CADPS: variants seen among roughly 807,000 people sequenced by gnomAD.
CADPS encodes calcium-dependent secretion activator 1.
A neutral mutation model predicts 167.3 loss-of-function variants in CADPS; 57 were observed. The ratio of observed to expected loss-of-function variants is 0.34; its 90% CI spans 0.28 to 0.42. The LOEUF is 0.42. CADPS is among the 20% of genes least tolerant of loss of function. The pLI is 1.00. For missense variants in CADPS, 1,414 were observed against 1,738.1 expected (o/e 0.81, Z 3.32); for synonymous variants, 676 against 635.3 (o/e 1.06, Z -0.96).
chr3:62,503,172 G>C (rs894970288), intron 17 of CADPS, among the ~76,000 whole-genome samples: 1 of 151,612 alleles, frequency 6.6e-6, no homozygotes. Flanking sequence ...GATACACTTC[G>C]TACAATGAAG....
intron 28 of CADPS, among the ~76,000 whole-genome samples, chr3:62,423,456 GGAT>G (rs2051915265): frequency 6.6e-6 from 1 of 152,194 alleles, no homozygotes; most frequent in Non-Finnish European, 1.5e-5. Flanking sequence ...GAACCCCAGT[GGAT>G]GAATTTGGGA....
intron 9 of CADPS, among the ~76,000 whole-genome samples, chr3:62,562,954 G>C (rs893504094): frequency 6.6e-6 from 1 of 152,202 alleles, no homozygotes; most frequent in Non-Finnish European, 1.5e-5. Flanking sequence ...CTTTTGTAAG[G>C]CTTGAGCTGC....
intron 3 of CADPS, among the ~76,000 whole-genome samples, chr3:62,743,554 T>G (rs943750386): frequency 6.6e-6 from 1 of 152,194 alleles, no homozygotes; most frequent in Non-Finnish European, 1.5e-5. Flanking sequence ...GGAAACAACA[T>G]GAAATAGCTA....
At chr3:62,706,163 A>G (rs2082275379) in intron 3 of CADPS, among the ~76,000 whole-genome samples, 1 of 152,118 alleles carries the variant, frequency 6.6e-6, no homozygotes, top group South Asian at 2.1e-4. Context: ...GGGATTCCCC[A>G]GAACATTGCT....
intron 1 of CADPS, among the ~76,000 whole-genome samples, chr3:62,783,399 T>A (rs1427455809): frequency 6.6e-6 from 1 of 152,172 alleles, no homozygotes; most frequent in Non-Finnish European, 1.5e-5. Flanking sequence ...CAAGACTATT[T>A]CTTATTTTTA....
intron 11 of CADPS, among the ~76,000 whole-genome samples, chr3:62,539,416 C>A (rs1231089027): frequency 6.6e-6 from 1 of 151,990 alleles, no homozygotes; most frequent in African/African-American, 2.4e-5. Flanking sequence ...AAATTGGGCT[C>A]ATTATTCTAA....
Position 62,602,435 on chromosome 3 carries a change from T to C in CADPS, c.1326-9687A>G, listed in dbSNP as rs1221225731. On this transcript the variant is annotated intron_variant, in intron 6 of 29. Transcript: ENST00000383710. The surrounding 1 kb of genome is among the most constrained non-coding windows in gnomAD (Gnocchi z 4.4). ...ACTGTGGGCTTTAACAAGAGAGAAG[T>C]GTCATTTCAAGGAATGAAAGTGCCG... Among the ~76,000 whole-genome samples the C allele has an allele frequency of 1.3e-5, 2 of 152,138 alleles. No homozygotes were observed. The highest frequency in any genetic ancestry group is 2.4e-5 in the African/African-American group (1 of 41,422).
intron 4 of CADPS, among the ~76,000 whole-genome samples, chr3:62,652,664 AAGAG>A (rs1227766695): frequency 6.6e-6 from 1 of 152,058 alleles, no homozygotes; most frequent in Admixed American, 6.6e-5. Flanking sequence ...GGTAGAGACA[AAGAG>A]AGAGAAGAAG....
intron 1 of CADPS, among the ~76,000 whole-genome samples, chr3:62,830,808 A>C (rs2074941575): frequency 6.6e-6 from 1 of 152,126 alleles, no homozygotes; most frequent in African/African-American, 2.4e-5. Flanking sequence ...CTTCTCATCA[A>C]ATTCTGGGCT....
chr3:62,474,630 T>C (rs569733151), intron 23 of CADPS, among the ~76,000 whole-genome samples: 4 of 152,300 alleles, frequency 2.6e-5, no homozygotes, highest in African/African-American at 9.6e-5. Flanking sequence ...AAAAACTCGA[T>C]TATAGCAGTA....
chr3:62,523,842 C>A (rs79729037), intron 13 of CADPS, among the ~76,000 whole-genome samples: 1 of 152,156 alleles, frequency 6.6e-6, no homozygotes, highest in South Asian at 2.1e-4. Context: ...GTGCAGGCAC[C>A]GTAAACATGA....
At position 62,433,682 on chromosome 3, in the gene CADPS, C is replaced by T. The variant is rs2054427818; in HGVS notation, c.3777+4422G>A. 6.6e-6 allele frequency among the ~76,000 whole-genome samples: 1 copy of T among 152,132 alleles called. No individual in the cohort carries two copies. The highest frequency in any genetic ancestry group is 1.5e-5 in the Non-Finnish European group (1 of 68,034). ...GGCTTTTTAATCACTCATCTCCGAG[C>T]CTGTGAGGTTTAAGCAGATGAATTC... On this transcript the variant is annotated intron_variant, in intron 28 of 29. Coordinates refer to ENST00000383710, the MANE Select transcript of CADPS (RefSeq NM_003716.4). This position sits in a 1 kb window ranked among gnomAD's most constrained non-coding sequence, Gnocchi z 4.7.
intron 3 of CADPS, among the ~76,000 whole-genome samples, chr3:62,747,575 G>T (rs76003519): frequency 0.013 from 1,924 of 152,318 alleles, 45 homozygotes; most frequent in African/African-American, 0.044. Context: ...CAAAGGCCAT[G>T]CTGATGATGG....
intron 3 of CADPS, among the ~76,000 whole-genome samples, chr3:62,702,938 G>A (rs1564056438): frequency 6.6e-6 from 1 of 152,120 alleles, no homozygotes; most frequent in Non-Finnish European, 1.5e-5. Context: ...TTTCATGGAA[G>A]AGGAAGCTGA....
rs903694259 is a variant in CADPS at position 62,610,947 on chromosome 3, G to A, written c.1326-18199C>T. On this transcript the variant is annotated intron_variant, in intron 6 of 29. Transcript: ENST00000383710. ...TGCAGTGTCTAGAGACTCATTTTTC[G>A]GCTGTCACACAGGGGTGTGGGGGAG... is the stretch of plus-strand genomic sequence containing the variant. 3.3e-5 allele frequency among the ~76,000 whole-genome samples: 5 copies of A among 151,766 alleles called. 1 individual carries two copies. The highest frequency in any genetic ancestry group is 6.8e-3 in the Middle Eastern group (2 of 292).
intron 26 of CADPS, among the ~76,000 whole-genome samples, chr3:62,450,824 C>T (rs1283112748): frequency 6.6e-6 from 1 of 152,180 alleles, no homozygotes; most frequent in Admixed American, 6.5e-5. Flanking sequence ...ATTTCTGCCT[C>T]AACAACCTTT....
intron 28 of CADPS, among the ~76,000 whole-genome samples, chr3:62,415,233 A>G (rs945302915): frequency 3.9e-5 from 6 of 152,136 alleles, no homozygotes; most frequent in African/African-American, 1.4e-4. Flanking sequence ...TAGCACACTG[A>G]TTGTGGCACA....
At position 62,435,668 on chromosome 3, in the gene CADPS, T is replaced by A. The variant is rs186247212; in HGVS notation, c.3777+2436A>T. Among the ~76,000 whole-genome samples, 1,128 of 149,950 alleles carry A rather than the reference T, an allele frequency of 7.5e-3. 18 individuals are homozygous for A. Among genetic ancestry groups the A allele is most frequent in the African/African-American group, 0.024 (1,002 of 41,088 alleles). Reference sequence around the variant, plus strand: ...TATCTCTAAATAAGCTCCTGAAAAATTTTTTTTTTTCCACGGGGCCGGGAG... The same window carrying A: ...TATCTCTAAATAAGCTCCTGAAAAAATTTTTTTTTTCCACGGGGCCGGGAG... On this transcript the variant is annotated intron_variant, in intron 28 of 29. Transcript: ENST00000383710.
chr3:62,413,871 GCA>G (rs1262203617), intron 28 of CADPS, among the ~76,000 whole-genome samples: 3 of 144,074 alleles, frequency 2.1e-5, no homozygotes, highest in Non-Finnish European at 4.5e-5. Flanking sequence ...TTCTAATCTG[GCA>G]CACCCAAACA....
Sources: allele counts gnomAD v4.1 joint callset (sites outside exome capture counted in the v4.1 genomes callset), GRCh38; gene constraint gnomAD v4.1.1; non-coding constraint Gnocchi (gnomAD v3.1); transcripts MANE v1.5; gene names NCBI Gene and HGNC (gene_info 2026-07-23, HGNC 2026-07-21).